Variants in CX3CL1 observed in about 807,000 individuals in gnomAD.
CX3CL1 encodes the protein C-X3-C motif chemokine ligand 1.
In CX3CL1, 1 loss-of-function variant was observed where a neutral mutation model predicts 14.1. The ratio of observed to expected loss-of-function variants is 0.07; its 90% confidence interval spans 0.03 to 0.34. The LOEUF (loss-of-function observed/expected upper bound fraction) is 0.34, where lower values mean the gene tolerates loss of function less well. CX3CL1 is among the 10% of genes least tolerant of loss of function. CX3CL1 has a pLI of 0.99. For synonymous variants in CX3CL1, 255 were observed against 229.6 expected, an observed-to-expected ratio of 1.11 and a Z score of -1.00; for missense variants, 505 against 536.4, an observed-to-expected ratio of 0.94 and a Z score of 0.58.
At chr16:57,379,492 G>A in intron 1 of CX3CL1, 142 bp from the exon 2 acceptor site, 1 of 925,144 alleles carries the variant, frequency 1.1e-6, no homozygotes, top group Non-Finnish European at 1.6e-6. Context: ...AGGGGAGGGA[G>A]GCTGAGTCAA....
chr16:57,379,617 A>C lies in CX3CL1; in HGVS notation c.71-17A>C. On this transcript the variant is annotated splice_polypyrimidine_tract_variant and intron_variant, in intron 1 of 2. Coordinates refer to ENST00000006053, the MANE Select transcript of CX3CL1 (RefSeq NM_002996.6). ...CCCACAGACATCCCTGCTGACCAGG[A>C]ACCTCTTTGAACTCAGGACAGCACC... 1 of 1,614,166 alleles carries C rather than the reference A, an allele frequency of 6.2e-7. No individual in the cohort carries two copies.
chr16:57,379,300 T>C, intron 1 of CX3CL1: 1 of 354,634 alleles, frequency 2.8e-6, no homozygotes, highest in Non-Finnish European at 5.0e-6. Flanking sequence ...CACTCCAGCC[T>C]GGGCAACAAG....
At position 57,379,660 on chromosome 16, in the gene CX3CL1, A is replaced by T. The variant is rs1902292676; in HGVS notation, c.97A>T (p.Asn33Tyr). Residue 33 changes from asparagine to tyrosine, a missense_variant, in exon 2 of 3, where the codon AAC (asparagine) becomes TAC (tyrosine). Asn to Tyr is a moderately radical substitution (Grantham distance 143). Coordinates refer to ENST00000006053, the MANE Select transcript of CX3CL1 (RefSeq NM_002996.6). ...ACAGCACCACGGTGTGACGAAATGCAACATCACGTGCAGCAAGATGACATC... is the reference window on the plus strand; with the variant it reads ...ACAGCACCACGGTGTGACGAAATGCTACATCACGTGCAGCAAGATGACATC... ...AGQHHGVTKC[N>Y]ITCSKMTSKI... The T allele has an allele frequency of 3.7e-6, 6 of 1,614,222 alleles. No homozygotes were observed. Among genetic ancestry groups the T allele is most frequent in the Non-Finnish European group, 5.1e-6 (6 of 1,180,034 alleles).
chr16:57,381,884 A>T, intron 2 of CX3CL1, 146 bp from the exon 3 acceptor site: 1 of 795,386 alleles, frequency 1.3e-6, no homozygotes, highest in African/African-American at 1.8e-5. Flanking sequence ...CCAGCTGGTC[A>T]GTTGCCTCAC....
chr16:57,381,936 C>A, intron 2 of CX3CL1, 94 bp from the exon 3 acceptor site: 1 of 1,364,934 alleles, frequency 7.3e-7, no homozygotes, highest in South Asian at 1.4e-5. Context: ...CGGGTGTGTT[C>A]ACCTGCAGAG....
At chr16:57,373,872 G>C (rs778841934) in intron 1 of CX3CL1, among the ~76,000 whole-genome samples, 2 of 152,130 alleles carry the variant, frequency 1.3e-5, no homozygotes, top group African/African-American at 2.4e-5. Context: ...CGGTGGATTG[G>C]GGGAGGGTGA....
At chr16:57,374,411 GA>G (rs1252859469) in intron 1 of CX3CL1, among the ~76,000 whole-genome samples, 23 of 151,942 alleles carry the variant, frequency 1.5e-4, no homozygotes, top group Non-Finnish European at 2.9e-4. Flanking sequence ...CCCACTCCAA[GA>G]GCTGACGCAT....
chr16:57,376,440 GTGGATGGATGGATGGA>G (rs56202816), intron 1 of CX3CL1, among the ~76,000 whole-genome samples: 3 of 145,218 alleles, frequency 2.1e-5, no homozygotes, highest in South Asian at 2.3e-4. Context: ...GAATCAGGAA[GTGGATGGATGGATGGA>G]TGGATGGATG....
rs377166131 is a variant in CX3CL1 at position 57,382,991 on chromosome 16, C to T, written c.1153C>T (p.Arg385Trp). The change falls in exon 3 of 3, where the codon CGG becomes TGG. Residue 385 changes from arginine (R) to tryptophan (W), a missense_variant. Arg to Trp is a moderately radical substitution (Grantham distance 101, BLOSUM62 -3). Coordinates refer to ENST00000006053, the MANE Select transcript of CX3CL1 (RefSeq NM_002996.6). The surrounding 1 kb of genome is among the most constrained non-coding windows in gnomAD (Gnocchi z 6.9). ...GGCGGAGGGCCTTCGCTACATCCCC[C>T]GGAGCTGTGGTAGTAATTCATATGT... The part of the protein sequence containing the change: ...EMAEGLRYIP[R>W]SCGSNSYVLV... 2.9e-5 allele frequency: 43 copies of T among 1,500,254 alleles called. No homozygotes were observed. The highest frequency in any genetic ancestry group is 1.8e-4 in the Middle Eastern group (1 of 5,550). 92.9% of individuals were successfully genotyped at this position (1,500,254 alleles called of 1,614,324 possible).
At chr16:57,372,925 G>T (rs1412157402) in intron 1 of CX3CL1, among the ~76,000 whole-genome samples, 1 of 152,206 alleles carries the variant, frequency 6.6e-6, no homozygotes, top group Non-Finnish European at 1.5e-5. Context: ...GGAGCCAGGT[G>T]TGGGTGTGCC....
rs1316002748 is a variant in CX3CL1, at chr16:57,382,521, C to A, written c.683C>A (p.Ala228Asp). 3 of 1,613,506 alleles carry A rather than the reference C, an allele frequency of 1.9e-6. No individual in the cohort carries two copies. The highest frequency in any genetic ancestry group is 3.3e-5 in the Admixed American group (2 of 59,998). The change falls in exon 3 of 3, where the codon GCC (alanine) becomes GAC (aspartate). Residue 228 changes from alanine to aspartate, a missense_variant. Transcript: ENST00000006053. This position sits in a 1 kb window ranked among gnomAD's most constrained non-coding sequence, Gnocchi z 6.9. ...TCCACCCAGGACCCCTCCACCCAGG[C>A]CTCCACTGCGTCCTCCCCAGCCCCA... is the stretch of plus-strand genomic sequence containing the variant. ...APSTQDPSTQASTASSPAPEE... is the reference protein window; with the variant it reads ...APSTQDPSTQDSTASSPAPEE...
At position 57,383,089 on chromosome 16, in the gene CX3CL1, C is replaced by G. The variant is rs1902358266; in HGVS notation, c.*57C>G. On this transcript the variant is annotated 3_prime_UTR_variant, in exon 3 of 3. Transcript: ENST00000006053. ...CAGACAGCTGCCTGGGATCCCTCAT[C>G]CTCATACCCACCCCCACCCAAGGGC... 1 of 1,347,832 alleles carries G rather than the reference C, an allele frequency of 7.4e-7. No homozygotes were observed. Among genetic ancestry groups the G allele is most frequent in the Admixed American group, 2.8e-5 (1 of 35,222 alleles). The allele number at this position is 1,347,832 out of a possible 1,614,324, so 83.5% of individuals were successfully genotyped here.
chr16:57,379,319 T>C (rs1902287266), intron 1 of CX3CL1: 1 of 375,336 alleles, frequency 2.7e-6, no homozygotes, highest in South Asian at 7.5e-5. Flanking sequence ...AGAGCAAGAC[T>C]CCAACTCAAA....
chr16:57,382,531 G>A lies in CX3CL1; in HGVS notation c.693G>A (p.Ala231=), dbSNP rs756960702. ...TQDPSTQAST[A]SSPAPEENAP... ...ACCCCTCCACCCAGGCCTCCACTGCGTCCTCCCCAGCCCCAGAGGAGAATG... is the reference window on the plus strand; with the variant it reads ...ACCCCTCCACCCAGGCCTCCACTGCATCCTCCCCAGCCCCAGAGGAGAATG... The change falls in exon 3 of 3, where the codon GCG becomes GCA. Residue 231 remains alanine, a synonymous_variant. Transcript: ENST00000006053. This position sits in a 1 kb window ranked among gnomAD's most constrained non-coding sequence, Gnocchi z 6.9. 4.3e-5 allele frequency: 69 copies of A among 1,613,684 alleles called. No homozygotes were observed. Among genetic ancestry groups the A allele is most frequent in the Non-Finnish European group, 4.7e-5 (56 of 1,179,956 alleles).
chr16:57,375,265 G>T (rs1176447752), intron 1 of CX3CL1, among the ~76,000 whole-genome samples: 1 of 152,184 alleles, frequency 6.6e-6, no homozygotes, highest in Non-Finnish European at 1.5e-5. Flanking sequence ...GTTTGGAGCG[G>T]GGTGAGGGCG....
In CX3CL1 at chr16:57,382,992, G is replaced by A. The variant is rs199662906; in HGVS notation, c.1154G>A (p.Arg385Gln). Residue 385 changes from arginine (R) to glutamine (Q), a missense_variant, in exon 3 of 3, where the codon CGG becomes CAG. Arg to Gln is a conservative substitution (Grantham distance 43). Transcript: ENST00000006053. The surrounding 1 kb of genome is among the most constrained non-coding windows in gnomAD (Gnocchi z 6.9). ...GCGGAGGGCCTTCGCTACATCCCCC[G>A]GAGCTGTGGTAGTAATTCATATGTC... ...EMAEGLRYIP[R>Q]SCGSNSYVLV... 32 of 1,500,842 alleles carry A rather than the reference G, an allele frequency of 2.1e-5. No homozygotes were observed. Among genetic ancestry groups the A allele is most frequent in the Non-Finnish European group, 2.8e-5 (31 of 1,122,302 alleles). The allele number at this position is 1,500,842 out of a possible 1,614,324, so 93.0% of individuals were successfully genotyped here. A position where few individuals can be genotyped will look rare whatever the true frequency, so the allele number is the denominator to read the frequency against.
In CX3CL1 at chr16:57,372,579, T is replaced by C. The variant is rs138544995; in HGVS notation, c.11T>C (p.Ile4Thr). 3.0e-5 allele frequency: 48 copies of C among 1,612,734 alleles called. No homozygotes were observed. Among genetic ancestry groups the C allele is most frequent in the East Asian group, 8.9e-5 (4 of 44,864 alleles). The change falls in exon 1 of 3, where the codon ATA becomes ACA. Residue 4 changes from isoleucine to threonine, a missense_variant. Coordinates refer to ENST00000006053, the MANE Select transcript of CX3CL1 (RefSeq NM_002996.6). Reference sequence around the variant, plus strand: ...TGCCCACCCTCAGCCATGGCTCCGATATCTCTGTCGTGGCTGCTCCGCTTG... The same window carrying C: ...TGCCCACCCTCAGCCATGGCTCCGACATCTCTGTCGTGGCTGCTCCGCTTG... Reference protein sequence around the residue: MAPISLSWLLRLAT... With the variant: MAPTSLSWLLRLAT...
chr16:57,382,225 C>T lies in CX3CL1; in HGVS notation c.387C>T (p.Pro129=), dbSNP rs760676162. ...TGGACGAGTCTGTGGTCCTGGAGCC[C>T]GAAGCCACAGGCGAAAGCAGTAGCC... ...GGMDESVVLE[P]EATGESSSLE... The change falls in exon 3 of 3, where the codon CCC becomes CCT. Residue 129 remains proline, a synonymous_variant. Coordinates refer to ENST00000006053, the MANE Select transcript of CX3CL1 (RefSeq NM_002996.6). This position sits in a 1 kb window ranked among gnomAD's most constrained non-coding sequence, Gnocchi z 6.9. The T allele has an allele frequency of 1.5e-5, 24 of 1,612,422 alleles. No homozygotes were observed. The highest frequency in any genetic ancestry group is 2.0e-5 in the Non-Finnish European group (23 of 1,179,256).
At position 57,383,254 on chromosome 16, in the gene CX3CL1, C is replaced by T. The variant is rs887682461; in HGVS notation, c.*222C>T. 7.5e-6 allele frequency: 3 copies of T among 399,086 alleles called. No individual in the cohort carries two copies. The highest frequency in any genetic ancestry group is 8.9e-5 in the Admixed American group (2 of 22,502). 24.7% of individuals were successfully genotyped at this position (399,086 alleles called of 1,614,324 possible). A position where few individuals can be genotyped will look rare whatever the true frequency, so the allele number is the denominator to read the frequency against. On this transcript the variant is annotated 3_prime_UTR_variant, in exon 3 of 3. Coordinates refer to ENST00000006053, the MANE Select transcript of CX3CL1 (RefSeq NM_002996.6). ...ACAGAGGGGGTGGCCTCCCAACTCA[C>T]CCCAGCCCCAAAACTCTCCTCTGCT... is the stretch of plus-strand genomic sequence containing the variant.
Sources: allele counts gnomAD v4.1 joint callset (sites outside exome capture counted in the v4.1 genomes callset), GRCh38; gene constraint gnomAD v4.1.1; non-coding constraint Gnocchi (gnomAD v3.1); transcripts MANE v1.5; gene names NCBI Gene and HGNC (gene_info 2026-07-23, HGNC 2026-07-21).